Variants in GULP1 observed in about 807,000 individuals in gnomAD.
GULP1 encodes PTB domain-containing engulfment adapter protein 1.
Under a neutral mutation model 40.9 loss-of-function variants are expected in GULP1, and 19 were observed. The ratio of observed to expected loss-of-function variants is 0.46; its 90% confidence interval spans 0.32 to 0.68. The LOEUF (loss-of-function observed/expected upper bound fraction) is 0.68. Ranked by LOEUF, GULP1 falls within the 30% of genes least tolerant of loss-of-function variation. GULP1 has a pLI of 0.03. For missense variants in GULP1, 312 were observed against 362.2 expected, an observed-to-expected ratio of 0.86 and a Z score of 1.12; for synonymous variants, 119 against 117.6, an observed-to-expected ratio of 1.01 and a Z score of -0.08.
intron 2 of GULP1, among the ~76,000 whole-genome samples, chr2:188,386,869 T>C (rs1266450220): frequency 6.6e-6 from 1 of 152,234 alleles, no homozygotes; most frequent in Non-Finnish European, 1.5e-5. Flanking sequence ...AAATTTTGGT[T>C]GCAGGCAGTA....
At chr2:188,429,486 C>T (rs999184275) in intron 2 of GULP1, among the ~76,000 whole-genome samples, 1 of 151,566 alleles carries the variant, frequency 6.6e-6, no homozygotes, top group South Asian at 2.1e-4. Context: ...GTCAACAGAG[C>T]AAGACTCTGT....
intron 1 of GULP1, among the ~76,000 whole-genome samples, chr2:188,303,918 C>T (rs1456152561): frequency 6.6e-6 from 1 of 152,154 alleles, no homozygotes; most frequent in Non-Finnish European, 1.5e-5. Flanking sequence ...CTGCAATTCT[C>T]AGAGGATTAC....
At chr2:188,431,409 A>T in intron 2 of GULP1, among the ~76,000 whole-genome samples, 1 of 152,188 alleles carries the variant, frequency 6.6e-6, no homozygotes, top group East Asian at 1.9e-4. Context: ...CAAAGGGTGG[A>T]CAGTTGAAAG....
intron 1 of GULP1, among the ~76,000 whole-genome samples, chr2:188,320,640 TAAAAC>T (rs1442460625): frequency 1.3e-5 from 2 of 152,056 alleles, no homozygotes; most frequent in East Asian, 3.9e-4. Flanking sequence ...TTAAAAAAAA[TAAAAC>T]AAACAGGCTT....
intron 1 of GULP1, among the ~76,000 whole-genome samples, chr2:188,363,229 C>T (rs1574735496): frequency 1.3e-5 from 2 of 152,122 alleles, no homozygotes; most frequent in East Asian, 1.9e-4. Flanking sequence ...TTCATTTTTA[C>T]ACCTTTGAAT....
At chr2:188,300,564 G>T (rs2035958656) in intron 1 of GULP1, among the ~76,000 whole-genome samples, 1 of 151,984 alleles carries the variant, frequency 6.6e-6, no homozygotes, top group Non-Finnish European at 1.5e-5. Flanking sequence ...TTATGAAGGG[G>T]ACCTATAATT....
intron 2 of GULP1, among the ~76,000 whole-genome samples, chr2:188,396,786 C>T (rs2051335432): frequency 6.6e-6 from 1 of 152,132 alleles, no homozygotes; most frequent in Non-Finnish European, 1.5e-5. Context: ...GCCACAGTCA[C>T]CTGAGTTAGC....
chr2:188,353,985 C>G (rs1277665570), intron 1 of GULP1, among the ~76,000 whole-genome samples: 1 of 152,042 alleles, frequency 6.6e-6, no homozygotes, highest in Non-Finnish European at 1.5e-5. Flanking sequence ...CTGAGACACC[C>G]TATCCTACAG....
intron 7 of GULP1, among the ~76,000 whole-genome samples, chr2:188,565,183 C>CA (rs557494877): frequency 1.3e-5 from 2 of 151,300 alleles, no homozygotes; most frequent in South Asian, 4.2e-4. Flanking sequence ...TACACATGAA[C>CA]AAAAAAAGGA....
intron 1 of GULP1, among the ~76,000 whole-genome samples, chr2:188,309,061 T>C (rs1375112088): frequency 2.0e-5 from 3 of 152,204 alleles, no homozygotes; most frequent in Non-Finnish European, 4.4e-5. Context: ...AACATTTATA[T>C]TGTTACTTTG....
At chr2:188,564,482 G>A (rs1697157194) in intron 7 of GULP1, among the ~76,000 whole-genome samples, 2 of 151,786 alleles carry the variant, frequency 1.3e-5, no homozygotes, top group Admixed American at 6.6e-5. Context: ...ATTTACCGTA[G>A]CATCAGGAAA....
At chr2:188,329,427 A>G (rs537094949) in intron 1 of GULP1, among the ~76,000 whole-genome samples, 1 of 152,276 alleles carries the variant, frequency 6.6e-6, no homozygotes, top group East Asian at 1.9e-4. Context: ...GTAGGTGAAG[A>G]AAAAAGCCAT....
intron 1 of GULP1, among the ~76,000 whole-genome samples, chr2:188,328,330 G>A (rs1476558755): frequency 6.6e-6 from 1 of 152,072 alleles, no homozygotes; most frequent in Non-Finnish European, 1.5e-5. Flanking sequence ...AATGAAGACA[G>A]TCAGGGATCA....
chr2:188,334,584 T>TCTCAA (rs1435174596), intron 1 of GULP1, among the ~76,000 whole-genome samples: 1 of 152,222 alleles, frequency 6.6e-6, no homozygotes, highest in Non-Finnish European at 1.5e-5. Context: ...AGTCCTGATG[T>TCTCAA]GTCTGAGACT....
chr2:188,448,772 T>C (rs1320913769), intron 2 of GULP1, among the ~76,000 whole-genome samples: 1 of 152,156 alleles, frequency 6.6e-6, no homozygotes, highest in Non-Finnish European at 1.5e-5. Context: ...TTGGGTCATG[T>C]GGGTAGATTC....
chr2:188,364,556 C>T (rs2046495291), intron 1 of GULP1, among the ~76,000 whole-genome samples: 1 of 151,976 alleles, frequency 6.6e-6, no homozygotes, highest in African/African-American at 2.4e-5. Flanking sequence ...CTCTGTTCCT[C>T]TTCTTTCTTT....
chr2:188,408,823 T>C (rs2053485815), intron 2 of GULP1, among the ~76,000 whole-genome samples: 1 of 152,184 alleles, frequency 6.6e-6, no homozygotes, highest in South Asian at 2.1e-4. Flanking sequence ...AAGTATCTTT[T>C]CCATTCACAG....
chr2:188,393,738 C>A (rs1039117265), intron 2 of GULP1, among the ~76,000 whole-genome samples: 1 of 152,040 alleles, frequency 6.6e-6, no homozygotes, highest in African/African-American at 2.4e-5. Context: ...TTTAGAAACC[C>A]TTTTAGCATT....
At chr2:188,532,190 A>G (rs973914363) in intron 6 of GULP1, among the ~76,000 whole-genome samples, 2 of 152,230 alleles carry the variant, frequency 1.3e-5, no homozygotes, top group Admixed American at 6.5e-5. Flanking sequence ...CACTACGTTC[A>G]TATACCATAA....
Sources: allele counts gnomAD v4.1 joint callset (sites outside exome capture counted in the v4.1 genomes callset), GRCh38; gene constraint gnomAD v4.1.1; transcripts MANE v1.5; gene names NCBI Gene and HGNC (gene_info 2026-07-23, HGNC 2026-07-21).